Variants in SMPD3 observed in about 807,000 individuals in gnomAD.
SMPD3 encodes the protein nSMase-2.
Under a neutral mutation model 55.7 loss-of-function variants are expected in SMPD3, and 21 were observed. That is an observed-to-expected ratio of 0.38 (90% CI 0.27 to 0.54). The LOEUF (loss-of-function observed/expected upper bound fraction) is 0.54. Ranked by LOEUF, SMPD3 falls within the 20% of genes least tolerant of loss-of-function variation. The pLI is 0.80. For missense variants in SMPD3, 842 were observed against 899.6 expected (o/e 0.94, Z 0.82); for synonymous variants, 457 against 404.3 (o/e 1.13, Z -1.56).
At chr16:68,424,289 C>T (rs1298200639) in intron 1 of SMPD3, among the ~76,000 whole-genome samples, 1 of 151,956 alleles carries the variant, frequency 6.6e-6, no homozygotes, top group East Asian at 2.0e-4. Context: ...CCTGAACTCC[C>T]AGCCCCAGCA....
intron 1 of SMPD3, among the ~76,000 whole-genome samples, chr16:68,433,022 T>C (rs2090492550): frequency 6.6e-6 from 1 of 152,140 alleles, no homozygotes; most frequent in African/African-American, 2.4e-5. Flanking sequence ...CAGGTTGGTC[T>C]TGAACTCCTG....
At chr16:68,361,855 GAGCGGGT>G in intron 7 of SMPD3, 96 bp from the exon 8 acceptor site, 2 of 1,083,826 alleles carry the variant, frequency 1.8e-6, no homozygotes, top group Non-Finnish European at 2.6e-6. Flanking sequence ...CCCAGTGTGG[GAGCGGGT>G]GGGTGGGACC....
chr16:68,434,029 T>G (rs577689857), intron 1 of SMPD3, among the ~76,000 whole-genome samples: 1 of 152,328 alleles, frequency 6.6e-6, no homozygotes, highest in Middle Eastern at 3.4e-3. Context: ...TTTCAGTGGT[T>G]TAGGATTTTG....
intron 7 of SMPD3, 82 bp from the exon 8 acceptor site, chr16:68,361,841 T>A (rs763390470): frequency 8.9e-5 from 81 of 914,352 alleles, no homozygotes; most frequent in Middle Eastern, 3.2e-4. Context: ...AGCCATGGTC[T>A]CCTCCCAGTG....
chr16:68,430,048 C>T (rs1186349576), intron 1 of SMPD3, among the ~76,000 whole-genome samples: 1 of 152,154 alleles, frequency 6.6e-6, no homozygotes, highest in Non-Finnish European at 1.5e-5. Context: ...CTGTTACCCC[C>T]CAAATCTGCA....
chr16:68,424,120 G>A (rs894394020), intron 1 of SMPD3, among the ~76,000 whole-genome samples: 5 of 149,184 alleles, frequency 3.4e-5, no homozygotes, highest in African/African-American at 9.8e-5. Flanking sequence ...GTGCCAGAGG[G>A]TCCTAGGCCC....
intron 2 of SMPD3, among the ~76,000 whole-genome samples, chr16:68,377,644 C>G (rs923836297): frequency 2.0e-5 from 3 of 152,330 alleles, no homozygotes; most frequent in African/African-American, 7.2e-5. Flanking sequence ...GGAATAAGGC[C>G]TAGCCAGGCT....
chr16:68,384,247 T>C (rs2090007960), intron 2 of SMPD3, among the ~76,000 whole-genome samples: 1 of 152,188 alleles, frequency 6.6e-6, no homozygotes, highest in African/African-American at 2.4e-5. Context: ...CCGTCATCTG[T>C]GTGAAGGAAC....
intron 7 of SMPD3, among the ~76,000 whole-genome samples, chr16:68,363,222 G>A (rs1166493050): frequency 6.6e-6 from 1 of 152,092 alleles, no homozygotes; most frequent in African/African-American, 2.4e-5. Flanking sequence ...GCAGGCAGGG[G>A]CTCGGGGCAG....
intron 1 of SMPD3, among the ~76,000 whole-genome samples, chr16:68,432,589 A>G (rs2090489009): frequency 6.6e-6 from 1 of 152,194 alleles, no homozygotes; most frequent in South Asian, 2.1e-4. Context: ...TTACTGGTAG[A>G]TTAAAAACTT....
At position 68,359,491 on chromosome 16, in the gene SMPD3, G is replaced by A. The variant is rs2089103452; in HGVS notation, c.*1715C>T. On this transcript the variant is annotated 3_prime_UTR_variant, in exon 9 of 9. Coordinates refer to ENST00000219334, the MANE Select transcript of SMPD3 (RefSeq NM_018667.4). Reference sequence around the variant, plus strand: ...CGCACGTCCTAGCGCCAGGCTCCCTGGGCTCTGCAGCGTTGTCTGCCCCAG... The same window carrying A: ...CGCACGTCCTAGCGCCAGGCTCCCTAGGCTCTGCAGCGTTGTCTGCCCCAG... 1.3e-5 allele frequency: 2 copies of A among 152,738 alleles called. No individual in the cohort carries two copies. Among genetic ancestry groups the A allele is most frequent in the African/African-American group, 2.4e-5 (1 of 41,454 alleles). The allele number at this position is 152,738 out of a possible 1,614,324, so 9.5% of individuals were successfully genotyped here.
chr16:68,373,863 C>G (rs2151987010), intron 2 of SMPD3, among the ~76,000 whole-genome samples: 1 of 152,330 alleles, frequency 6.6e-6, no homozygotes, highest in Middle Eastern at 3.4e-3. Context: ...GCCCGCCTCT[C>G]ACTTGTGTCC....
rs755322152 is a variant in SMPD3, at chr16:68,371,188, T to C, written c.994A>G (p.Lys332Glu). 4.3e-6 allele frequency: 7 copies of C among 1,612,030 alleles called. No individual in the cohort carries two copies. The highest frequency in any genetic ancestry group is 1.6e-4 in the Middle Eastern group (1 of 6,078). The change falls in exon 3 of 9, where the codon AAG becomes GAG. Residue 332 changes from lysine (K) to glutamate (E), a missense_variant. Around this residue, in one of 2 missense-constraint regions of SMPD3, gnomAD observed 649 missense variants for 643.6 expected, o/e 1.01. Coordinates refer to ENST00000219334, the MANE Select transcript of SMPD3 (RefSeq NM_018667.4). ...KLLYKASVVK[K>E]AAARRRRHPD... Reference sequence around the variant, plus strand: ...TGCCGCCTCCTGCGTGCAGCCGCCTTCTTCACCACCGAGGCCTTGTACAGG... The same window carrying C: ...TGCCGCCTCCTGCGTGCAGCCGCCTCCTTCACCACCGAGGCCTTGTACAGG...
At chr16:68,446,836 C>T (rs1057372831) in intron 1 of SMPD3, among the ~76,000 whole-genome samples, 1 of 152,230 alleles carries the variant, frequency 6.6e-6, no homozygotes, top group African/African-American at 2.4e-5. Context: ...CACCCCCACT[C>T]TCGGCCCCCG....
At chr16:68,414,450 AC>A (rs1309774978) in intron 1 of SMPD3, among the ~76,000 whole-genome samples, 1 of 152,204 alleles carries the variant, frequency 6.6e-6, no homozygotes, top group African/African-American at 2.4e-5. Context: ...GGTCTCTCCC[AC>A]ACTGGGCCAC....
At chr16:68,407,086 G>A (rs1003003313) in intron 1 of SMPD3, among the ~76,000 whole-genome samples, 2 of 152,282 alleles carry the variant, frequency 1.3e-5, no homozygotes, top group Non-Finnish European at 2.9e-5. Flanking sequence ...AGCTTGATCA[G>A]GAGAATATTG....
intron 1 of SMPD3, among the ~76,000 whole-genome samples, chr16:68,406,350 AT>A (rs1167967300): frequency 1.3e-5 from 2 of 152,236 alleles, no homozygotes; most frequent in African/African-American, 4.8e-5. Flanking sequence ...AAAATATGAT[AT>A]TTCTGTGAAA....
rs114352635 is a variant in SMPD3, at chr16:68,390,503, A to T, written c.-268-3844T>A. On this transcript the variant is annotated intron_variant, in intron 1 of 8. Transcript: ENST00000219334. ...TGGTGAAACCCTGTCTCTAAAAAAT[A>T]TACAAAAACTAGCTGAGTGTGGTGG... 5.4e-3 allele frequency among the ~76,000 whole-genome samples: 829 copies of T among 152,290 alleles called. 6 individuals are homozygous for T. Among genetic ancestry groups the T allele is most frequent in the African/African-American group, 0.019 (804 of 41,552 alleles).
intron 1 of SMPD3, among the ~76,000 whole-genome samples, chr16:68,390,201 C>T (rs1484691417): frequency 1.3e-5 from 2 of 152,202 alleles, no homozygotes; most frequent in African/African-American, 2.4e-5. Context: ...CATGCCAATG[C>T]ATTATAATTA....
Sources: allele counts gnomAD v4.1 joint callset (sites outside exome capture counted in the v4.1 genomes callset), GRCh38; gene constraint gnomAD v4.1.1; regional missense constraint gnomAD v4.1.1; transcripts MANE v1.5; gene names NCBI Gene and HGNC (gene_info 2026-07-23, HGNC 2026-07-21).